Variants in CYREN observed in about 807,000 individuals in gnomAD.
CYREN encodes the protein cell cycle regulator of NHEJ.
Under a neutral mutation model 9.7 loss-of-function variants are expected in CYREN, and 7 were observed. That is an observed-to-expected ratio of 0.72 (90% CI 0.41 to 1.36). The LOEUF (loss-of-function observed/expected upper bound fraction) is 1.36. Ranked by LOEUF, CYREN falls within the 40% of genes most tolerant of loss-of-function variation. The probability of loss-of-function intolerance (pLI) is 0.01; values close to 1 mark genes in which losing one functional copy is unlikely to be tolerated. For missense variants in CYREN, 215 were observed against 198.1 expected, an observed-to-expected ratio of 1.09 and a Z score of -0.51; for synonymous variants, 76 against 77.9, an observed-to-expected ratio of 0.98 and a Z score of 0.13.
chr7:135,161,084 G>A (rs892683398), downstream of CYREN, among the ~76,000 whole-genome samples: 2 of 152,306 alleles, frequency 1.3e-5, no homozygotes, highest in South Asian at 4.1e-4. This position sits in a 1 kb window ranked among gnomAD's most constrained non-coding sequence, Gnocchi z 4.1. Context: ...CCAGATGATG[G>A]CGAGCCTCAT....
intron 2 of CYREN, among the ~76,000 whole-genome samples, chr7:135,160,743 A>AC (rs1050815287): frequency 3.3e-5 from 5 of 151,228 alleles, no homozygotes; most frequent in Non-Finnish European, 5.9e-5. Flanking sequence ...TTTAAAAAAA[A>AC]AAAACAAAAA....
intron 2 of CYREN, among the ~76,000 whole-genome samples, chr7:135,139,803 T>C (rs1033699412): frequency 6.6e-6 from 1 of 152,190 alleles, no homozygotes; most frequent in Non-Finnish European, 1.5e-5. Context: ...TAGCCAGTTA[T>C]TCCAGCACCA....
chr7:135,160,612 T>C (rs1829906215), intron 2 of CYREN, among the ~76,000 whole-genome samples: 2 of 152,306 alleles, frequency 1.3e-5, no homozygotes, highest in African/African-American at 4.8e-5. Context: ...AGCACTGTGC[T>C]GAGCATGCAT....
intron 2 of CYREN, chr7:135,115,568 A>G: frequency 6.4e-7 from 1 of 1,551,340 alleles, no homozygotes; most frequent in Non-Finnish European, 8.7e-7. Flanking sequence ...CACTCAGATA[A>G]AACAGCTATT....
At chr7:135,093,435 A>T (rs935067418) in exon 3 of CYREN, 2 of 152,206 alleles carry the variant, frequency 1.3e-5, no homozygotes, top group African/African-American at 4.8e-5. Context: ...AACCTGTTAT[A>T]AAAATCAATT....
chr7:135,093,946 T>C (rs1351906557), exon 3 of CYREN: 2 of 168,838 alleles, frequency 1.2e-5, no homozygotes, highest in Non-Finnish European at 2.5e-5. Flanking sequence ...AACCTTTATA[T>C]ATATTTCAAT....
At chr7:135,168,668 G>A in intron 2 of CYREN, 118 bp downstream of exon 2, 1 of 1,441,586 alleles carries the variant, frequency 6.9e-7, no homozygotes, top group South Asian at 1.4e-5. Context: ...GAGATGATCA[G>A]ACTGAAACAC....
chr7:135,163,717 ATTAGTTT>A (rs1562927268), downstream of CYREN, among the ~76,000 whole-genome samples: 1 of 152,216 alleles, frequency 6.6e-6, no homozygotes, highest in Admixed American at 6.5e-5. Flanking sequence ...AAAAATATGT[ATTAGTTT>A]TTAAAGTAAT....
intron 2 of CYREN, among the ~76,000 whole-genome samples, chr7:135,118,169 T>A (rs6971066): frequency 0.024 from 3,626 of 152,298 alleles, 147 homozygotes; most frequent in African/African-American, 0.081. Flanking sequence ...ATGCTTTTTT[T>A]AATTAAGCTA....
chr7:135,117,441 TTAAC>T (rs544452253), intron 2 of CYREN, among the ~76,000 whole-genome samples: 195 of 152,348 alleles, frequency 1.3e-3, no homozygotes, highest in African/African-American at 4.5e-3. Context: ...TTACAGCACA[TTAAC>T]TAGTTTCTCC....
chr7:135,140,223 C>G (rs1468204874), intron 2 of CYREN, among the ~76,000 whole-genome samples: 2 of 151,912 alleles, frequency 1.3e-5, no homozygotes, highest in African/African-American at 4.8e-5. Flanking sequence ...TTATTTGTGT[C>G]ATTTCTTATT....
At chr7:135,145,434 A>G (rs547947109) in intron 2 of CYREN, among the ~76,000 whole-genome samples, 1 of 152,302 alleles carries the variant, frequency 6.6e-6, no homozygotes, top group South Asian at 2.1e-4. Context: ...AGTAAAGGGA[A>G]TCCCCAGCAT....
chr7:135,130,680 C>T (rs959928180), intron 2 of CYREN, among the ~76,000 whole-genome samples: 2 of 152,058 alleles, frequency 1.3e-5, no homozygotes, highest in African/African-American at 4.8e-5. Flanking sequence ...GCATTTACCA[C>T]TGTATATGCA....
rs58443282 is a variant in CYREN at position 135,144,938 on chromosome 7, TAAAAAAAAAAAAAA to T, written n.356+23797_356+23810del. Among the ~76,000 whole-genome samples the T allele has an allele frequency of 1.4e-3, 65 of 45,630 alleles. 1 individual carries two copies. Among genetic ancestry groups the T allele is most frequent in the African/African-American group, 5.1e-3 (53 of 10,460 alleles). The allele number at this position is 45,630 out of a possible 152,430, so 29.9% of individuals were successfully genotyped here. On this transcript the variant is annotated intron_variant and non_coding_transcript_variant, in intron 2 of 2. Transcript: ENST00000459937. ...ACAGAGAGACCCTGTCTCAAAAGAG[TAAAAAAAAAAAAAA>T]AAAAAAAAAAAAAAAAAGAAGAGGA...
Position 135,157,262 on chromosome 7 carries a change from G to A in CYREN, n.356+11487C>T, listed in dbSNP as rs75591407. Among the ~76,000 whole-genome samples the A allele has an allele frequency of 2.0e-3, 307 of 152,332 alleles. 1 individual carries two copies. Among genetic ancestry groups the A allele is most frequent in the Non-Finnish European group, 3.0e-3 (204 of 68,014 alleles). ...AATTTTTTCCTGAGGATATATGCAT[G>A]TTGTTAAGATGCTTTGACTTTGATT... is the stretch of plus-strand genomic sequence containing the variant. On this transcript the variant is annotated intron_variant and non_coding_transcript_variant, in intron 2 of 2. Coordinates refer to the CYREN transcript ENST00000459937.
intron 2 of CYREN, among the ~76,000 whole-genome samples, chr7:135,103,235 C>T (rs1426977929): frequency 6.6e-6 from 1 of 152,128 alleles, no homozygotes; most frequent in Admixed American, 6.5e-5. Flanking sequence ...TTCTAATGCT[C>T]TTGGTGGATT....
intron 2 of CYREN, chr7:135,168,469 T>G: frequency 2.7e-5 from 11 of 407,976 alleles, no homozygotes; most frequent in East Asian, 1.8e-4. Context: ...GATGTTACCA[T>G]GTTTGTTGTA....
chr7:135,115,778 G>T, intron 2 of CYREN: 1 of 562,086 alleles, frequency 1.8e-6, no homozygotes. Context: ...GAAAACACTG[G>T]ATAAATGAAG....
intron 2 of CYREN, among the ~76,000 whole-genome samples, chr7:135,096,584 C>CATAGAGAGATAGATAG (rs1822813178): frequency 1.1e-5 from 1 of 88,816 alleles, no homozygotes; most frequent in South Asian, 5.4e-4. Flanking sequence ...TAGATAGATA[C>CATAGAGAGATAGATAG]ATAGATAGAT....
Sources: gnomAD v4.1 joint callset for allele counts (sites outside exome capture counted in the v4.1 genomes callset) on GRCh38, gnomAD v4.1.1 for gene constraint, Gnocchi (gnomAD v3.1) non-coding constraint, MANE v1.5 for transcripts, NCBI Gene and HGNC (gene_info 2026-07-23, HGNC 2026-07-21) for gene names.